GPC5: variants seen among roughly 807,000 people sequenced by gnomAD.
GPC5 encodes the protein glypican 5.
GPC5 carries 47 observed loss-of-function variants against 53.9 expected under a neutral mutation model. The ratio of observed to expected loss-of-function variants is 0.87; its 90% confidence interval spans 0.69 to 1.11. The LOEUF (loss-of-function observed/expected upper bound fraction) is 1.11. GPC5 is among the 50% of genes most tolerant of loss of function. The pLI, the probability that GPC5 is intolerant of heterozygous loss-of-function variation, is 0.00. For synonymous variants in GPC5, 286 were observed against 263.3 expected, an observed-to-expected ratio of 1.09 and a Z score of -0.84; for missense variants, 748 against 713.1, an observed-to-expected ratio of 1.05 and a Z score of -0.56.
chr13:92,388,037 CATTAAA>C (rs1415055271), intron 7 of GPC5, among the ~76,000 whole-genome samples: 1 of 152,046 alleles, frequency 6.6e-6, no homozygotes, highest in Non-Finnish European at 1.5e-5. Context: ...ATTAAATTAT[CATTAAA>C]ATTAAAATTA....
chr13:92,305,094 G>A (rs938374076), intron 7 of GPC5, among the ~76,000 whole-genome samples: 6 of 152,188 alleles, frequency 3.9e-5, no homozygotes, highest in Non-Finnish European at 5.9e-5. Context: ...CAGAATAACA[G>A]TATAATTCAT....
rs549036914 is a variant in GPC5, at chr13:91,512,452, G to A, written c.325+63530G>A. 8.4e-4 allele frequency among the ~76,000 whole-genome samples: 128 copies of A among 152,284 alleles called. 1 individual carries two copies. The highest frequency in any genetic ancestry group is 2.9e-3 in the African/African-American group (121 of 41,552). On this transcript the variant is annotated intron_variant, in intron 2 of 7. Transcript: ENST00000377067. Reference sequence around the variant, plus strand: ...GCTCAGCATTTGTAGAGCAGCTCCTGTGCATTTCGTGAAGCCCTGGCATAC... The same window carrying A: ...GCTCAGCATTTGTAGAGCAGCTCCTATGCATTTCGTGAAGCCCTGGCATAC...
rs183556128 is a variant in GPC5, at chr13:91,674,717, A to G, written c.326-18470A>G. Among the ~76,000 whole-genome samples, 108 of 149,096 alleles carry G rather than the reference A, an allele frequency of 7.2e-4. 1 individual carries two copies. The highest frequency in any genetic ancestry group is 2.5e-3 in the African/African-American group (101 of 40,940). ...ATATGTATATATATTAATTATATAT[A>G]TATATGTCTCAGAGCTTTACTGAAC... is the stretch of plus-strand genomic sequence containing the variant. On this transcript the variant is annotated intron_variant, in intron 2 of 7. Coordinates refer to ENST00000377067, the MANE Select transcript of GPC5 (RefSeq NM_004466.6).
intron 7 of GPC5, among the ~76,000 whole-genome samples, chr13:92,344,498 A>G (rs2043394283): frequency 6.6e-6 from 1 of 152,194 alleles, no homozygotes; most frequent in Non-Finnish European, 1.5e-5. Context: ...TTTGGTTCAG[A>G]TGAGAAGACT....
At chr13:91,573,762 G>C (rs1200862267) in intron 2 of GPC5, among the ~76,000 whole-genome samples, 1 of 152,128 alleles carries the variant, frequency 6.6e-6, no homozygotes, top group Non-Finnish European at 1.5e-5. Flanking sequence ...GTAAGACTTG[G>C]TTGAAGATAA....
chr13:91,593,912 A>G (rs1042629620), intron 2 of GPC5, among the ~76,000 whole-genome samples: 2 of 140,754 alleles, frequency 1.4e-5, no homozygotes, highest in African/African-American at 5.2e-5. Context: ...ACAAAGAACT[A>G]AAAAAAAAAA....
In GPC5 at chr13:92,252,738, G is replaced by A. The variant is rs191764644; in HGVS notation, c.1561+107749G>A. Among the ~76,000 whole-genome samples the A allele has an allele frequency of 4.6e-5, 7 of 152,200 alleles. No individual in the cohort carries two copies. The East Asian group carries it at 9.7e-4, about 21-fold the overall frequency. On this transcript the variant is annotated intron_variant, in intron 7 of 7. Transcript: ENST00000377067. ...AAAATGGAAAGTAGGATTTGGTAATGCACAGTTAAAAACAGCAATCGAAAA... is the reference window on the plus strand; with the variant it reads ...AAAATGGAAAGTAGGATTTGGTAATACACAGTTAAAAACAGCAATCGAAAA...
intron 7 of GPC5, among the ~76,000 whole-genome samples, chr13:92,652,750 T>G (rs1885997550): frequency 6.6e-6 from 1 of 152,228 alleles, no homozygotes; most frequent in Non-Finnish European, 1.5e-5. Flanking sequence ...AATCTCATCA[T>G]AGCATCATGG....
At chr13:92,128,090 C>T (rs1416786036) in intron 6 of GPC5, among the ~76,000 whole-genome samples, 1 of 152,152 alleles carries the variant, frequency 6.6e-6, no homozygotes, top group African/African-American at 2.4e-5. Context: ...TCTTTTAAAA[C>T]CTACTGAATA....
intron 7 of GPC5, among the ~76,000 whole-genome samples, chr13:92,807,849 C>T (rs888893077): frequency 2.6e-5 from 4 of 152,076 alleles, no homozygotes; most frequent in Non-Finnish European, 5.9e-5. Flanking sequence ...TAATATCCAA[C>T]ACTGGATGGT....
intron 2 of GPC5, among the ~76,000 whole-genome samples, chr13:91,630,948 T>G (rs2034143183): frequency 6.6e-6 from 1 of 152,174 alleles, no homozygotes; most frequent in South Asian, 2.1e-4. Context: ...AACTTAACCA[T>G]AGGTCCAACA....
intron 7 of GPC5, among the ~76,000 whole-genome samples, chr13:92,212,926 T>A (rs938898247): frequency 7.9e-5 from 12 of 152,188 alleles, no homozygotes; most frequent in Non-Finnish European, 1.2e-4. Flanking sequence ...ATCCTTAGGC[T>A]CTATCACCAA....
chr13:91,423,472 C>A (rs1312046483), intron 1 of GPC5, among the ~76,000 whole-genome samples: 1 of 151,920 alleles, frequency 6.6e-6, no homozygotes, highest in Non-Finnish European at 1.5e-5. Context: ...GAGATACAGA[C>A]TTTGGAAGGG....
chr13:91,420,932 T>C (rs757617730), intron 1 of GPC5, among the ~76,000 whole-genome samples: 1 of 152,270 alleles, frequency 6.6e-6, no homozygotes, highest in Non-Finnish European at 1.5e-5. Flanking sequence ...TCTTGGGTAG[T>C]ATCTTTACAG....
chr13:91,899,213 G>C (rs975072577), intron 5 of GPC5, among the ~76,000 whole-genome samples: 1 of 152,060 alleles, frequency 6.6e-6, no homozygotes, highest in African/African-American at 2.4e-5. Flanking sequence ...TCCTGTTTGT[G>C]TGTGTGAACT....
intron 3 of GPC5, among the ~76,000 whole-genome samples, chr13:91,698,338 A>G (rs2035925832): frequency 6.6e-6 from 1 of 152,190 alleles, no homozygotes; most frequent in African/African-American, 2.4e-5. Flanking sequence ...CTTTACGGTG[A>G]ATTGTATAAT....
chr13:92,620,543 AT>A, intron 7 of GPC5, among the ~76,000 whole-genome samples: 1 of 152,352 alleles, frequency 6.6e-6, no homozygotes, highest in Non-Finnish European at 1.5e-5. Context: ...AGATTAAAAT[AT>A]TAAAACAATT....
At chr13:91,960,621 A>G (rs1241323404) in intron 6 of GPC5, among the ~76,000 whole-genome samples, 3 of 152,058 alleles carry the variant, frequency 2.0e-5, no homozygotes, top group Admixed American at 6.6e-5. Context: ...GGCAAAAACA[A>G]TAAAGCTGGA....
At chr13:92,327,532 A>G (rs1266419760) in intron 7 of GPC5, among the ~76,000 whole-genome samples, 2 of 152,172 alleles carry the variant, frequency 1.3e-5, no homozygotes, top group Admixed American at 1.3e-4. Flanking sequence ...GTTCAGGGAA[A>G]ATGGTGCATC....
Sources: gnomAD v4.1 joint callset for allele counts (sites outside exome capture counted in the v4.1 genomes callset) on GRCh38, gnomAD v4.1.1 for gene constraint, MANE v1.5 for transcripts, NCBI Gene and HGNC (gene_info 2026-07-23, HGNC 2026-07-21) for gene names.